Variants in PLCB1 observed in about 807,000 individuals in gnomAD.
PLCB1 encodes the protein 1-phosphatidylinositol 4,5-bisphosphate phosphodiesterase beta-1.
In PLCB1, 46 loss-of-function variants were observed where a neutral mutation model predicts 161.8. The ratio of observed to expected loss-of-function variants is 0.28; its 90% CI spans 0.22 to 0.36. PLCB1 has a LOEUF of 0.36. Among genes scored for constraint, PLCB1 ranks in the 10% least tolerant of loss-of-function variants. The pLI is 1.00. For synonymous variants in PLCB1, 517 were observed against 503.7 expected (o/e 1.03, Z -0.35); for missense variants, 1,016 against 1,472.5 (o/e 0.69, Z 5.07).
intron 2 of PLCB1, among the ~76,000 whole-genome samples, chr20:8,305,268 G>C (rs563632535): frequency 6.6e-6 from 1 of 152,068 alleles, no homozygotes; most frequent in East Asian, 1.9e-4. Context: ...TTTTTGCTTG[G>C]GCCAAGCAAG....
chr20:8,537,520 G>A (rs1009565866), intron 3 of PLCB1, among the ~76,000 whole-genome samples: 1 of 151,978 alleles, frequency 6.6e-6, no homozygotes, highest in African/African-American at 2.4e-5. Flanking sequence ...TAGAGAGACA[G>A]TTAACAGCCA....
intron 2 of PLCB1, among the ~76,000 whole-genome samples, chr20:8,344,697 T>C (rs1985934333): frequency 6.6e-6 from 1 of 152,198 alleles, no homozygotes; most frequent in Admixed American, 6.5e-5. Flanking sequence ...CTTGTAGGCC[T>C]AACCAGATCC....
At chr20:8,735,423 C>G (rs1405944697) in intron 19 of PLCB1, among the ~76,000 whole-genome samples, 1 of 152,198 alleles carries the variant, frequency 6.6e-6, no homozygotes, top group Admixed American at 6.5e-5. Context: ...TCAGTCTCCC[C>G]TGAATGGACA....
At chr20:8,777,090 C>G (rs1207845384) in intron 27 of PLCB1, among the ~76,000 whole-genome samples, 1 of 152,122 alleles carries the variant, frequency 6.6e-6, no homozygotes, top group Non-Finnish European at 1.5e-5. Context: ...GGGAACAGCA[C>G]AGTGGCTCTG....
At chr20:8,832,523 A>G (rs1986061715) in intron 31 of PLCB1, among the ~76,000 whole-genome samples, 1 of 152,236 alleles carries the variant, frequency 6.6e-6, no homozygotes, top group African/African-American at 2.4e-5. Context: ...GTTCTGCTTA[A>G]GAAATTGCTT....
Position 8,193,720 on chromosome 20 carries a change from G to C in PLCB1, c.177+43349G>C, listed in dbSNP as rs576675669. 3.9e-5 allele frequency among the ~76,000 whole-genome samples: 6 copies of C among 152,042 alleles called. No individual in the cohort carries two copies. In the South Asian group the frequency reaches 1.0e-3, roughly 26 times the overall value. ...ATTGTGTTCTTATAAGAATGGCAAGGACTGCTAATTTTCTACCCTAACATT... is the reference window on the plus strand; with the variant it reads ...ATTGTGTTCTTATAAGAATGGCAAGCACTGCTAATTTTCTACCCTAACATT... On this transcript the variant is annotated intron_variant, in intron 2 of 31. Transcript: ENST00000338037.
intron 3 of PLCB1, among the ~76,000 whole-genome samples, chr20:8,582,069 CT>C (rs1986851261): frequency 6.6e-6 from 1 of 152,150 alleles, no homozygotes; most frequent in African/African-American, 2.4e-5. Flanking sequence ...CTTCTCTCCC[CT>C]ATCCCCAACC....
intron 4 of PLCB1, among the ~76,000 whole-genome samples, chr20:8,630,011 TC>T (rs1988530664): frequency 4.6e-5 from 4 of 86,888 alleles, no homozygotes; most frequent in African/African-American, 1.2e-4. Context: ...TCTTTCTTTC[TC>T]TTTCTTCTTT....
intron 2 of PLCB1, among the ~76,000 whole-genome samples, chr20:8,364,720 G>A (rs1986655286): frequency 6.6e-6 from 1 of 152,072 alleles, no homozygotes; most frequent in South Asian, 2.1e-4. Flanking sequence ...TTTTGTCGAG[G>A]GATTCACACC....
chr20:8,682,212 G>A (rs148971540), intron 9 of PLCB1, among the ~76,000 whole-genome samples: 29 of 152,314 alleles, frequency 1.9e-4, no homozygotes, highest in East Asian at 9.7e-4. Flanking sequence ...TGAAAAGCAC[G>A]TGCCCAGGCC....
At chr20:8,523,492 C>CCATATATATATATATATATATATA (rs1555766816) in intron 3 of PLCB1, among the ~76,000 whole-genome samples, 6 of 61,844 alleles carry the variant, frequency 9.7e-5, no homozygotes, top group Non-Finnish European at 1.6e-4. Flanking sequence ...CTCTCTCTCT[C>CCATATATATATATATATATATATA]TCTCTATATA....
At chr20:8,145,209 TTGGCTGGTAGA>T (rs1212427103) in intron 1 of PLCB1, among the ~76,000 whole-genome samples, 3 of 152,174 alleles carry the variant, frequency 2.0e-5, no homozygotes, top group African/African-American at 7.2e-5. Context: ...GCCTCTCGTC[TTGGCTGGTAGA>T]TGGCCTGCTT....
intron 3 of PLCB1, among the ~76,000 whole-genome samples, chr20:8,542,023 G>T (rs1056049837): frequency 6.6e-6 from 1 of 152,228 alleles, no homozygotes; most frequent in Non-Finnish European, 1.5e-5. Flanking sequence ...AAACATGTTT[G>T]TGCAGGGTTC....
At chr20:8,552,331 T>C (rs990868987) in intron 3 of PLCB1, among the ~76,000 whole-genome samples, 3 of 152,226 alleles carry the variant, frequency 2.0e-5, no homozygotes, top group African/African-American at 7.2e-5. Context: ...CTTGAAGTTA[T>C]GTTCTTTTAA....
intron 3 of PLCB1, among the ~76,000 whole-genome samples, chr20:8,434,960 TCA>T (rs1980233129): frequency 6.6e-6 from 1 of 152,298 alleles, no homozygotes; most frequent in South Asian, 2.1e-4. Context: ...ACGTAGACAA[TCA>T]CACACATACA....
At chr20:8,220,053 G>T (rs905010719) in intron 2 of PLCB1, among the ~76,000 whole-genome samples, 2 of 152,058 alleles carry the variant, frequency 1.3e-5, no homozygotes, top group Admixed American at 6.6e-5. Context: ...TTATTTGTGG[G>T]GTGGTGGATT....
intron 31 of PLCB1, among the ~76,000 whole-genome samples, chr20:8,875,502 A>G (rs1028254169): frequency 6.8e-6 from 1 of 147,342 alleles, no homozygotes; most frequent in Non-Finnish European, 1.5e-5. Context: ...TATAACATAT[A>G]AAATATTTTT....
chr20:8,215,151 C>T (rs1487880473), intron 2 of PLCB1, among the ~76,000 whole-genome samples: 1 of 152,018 alleles, frequency 6.6e-6, no homozygotes, highest in South Asian at 2.1e-4. Context: ...TTGTTCTGAT[C>T]TCTTGACCTT....
Position 8,259,616 on chromosome 20 carries a change from A to C in PLCB1, c.177+109245A>C, listed in dbSNP as rs539020816. Among the ~76,000 whole-genome samples, 5 of 152,210 alleles carry C rather than the reference A, an allele frequency of 3.3e-5. No homozygotes were observed. The South Asian group carries it at 1.0e-3, about 32-fold the overall frequency. ...GGGTAACAGGATGAGACCCTGTCTC[A>C]ATAAATAAATAATATAAAGTCTCCA... On this transcript the variant is annotated intron_variant, in intron 2 of 31. Coordinates refer to ENST00000338037, the MANE Select transcript of PLCB1 (RefSeq NM_015192.4).
Sources: allele counts gnomAD v4.1 joint callset (sites outside exome capture counted in the v4.1 genomes callset), GRCh38; gene constraint gnomAD v4.1.1; transcripts MANE v1.5; gene names NCBI Gene and HGNC (gene_info 2026-07-23, HGNC 2026-07-21).